The following RAB3C variants were observed in gnomAD, a reference collection of about 807,000 sequenced individuals.
RAB3C encodes ras-related protein Rab-3C.
Under a neutral mutation model 26.4 loss-of-function variants are expected in RAB3C, and 17 were observed. The observed-to-expected ratio is 0.64, with a 90% CI of 0.44 to 0.97. RAB3C has a LOEUF of 0.97. RAB3C is among the 50% of genes least tolerant of loss of function. RAB3C has a pLI of 0.00. For missense variants in RAB3C, 242 were observed against 281.9 expected (o/e 0.86, Z 1.01); for synonymous variants, 91 against 95.9 (o/e 0.95, Z 0.30).
At position 58,710,599 on chromosome 5, in the gene RAB3C, AAAATAAAT is replaced by A. The variant is rs1554048943; in HGVS notation, c.253-15365_253-15358del. ...GGGCAAAAGAGCAAGACTCTGTCTC[AAAATAAAT>A]AAATAAATAAATAAATAAATAAATA... On this transcript the variant is annotated intron_variant, in intron 2 of 4. Coordinates refer to ENST00000282878, the MANE Select transcript of RAB3C (RefSeq NM_138453.4). Among the ~76,000 whole-genome samples the A allele has an allele frequency of 2.0e-3, 275 of 135,614 alleles. 1 individual carries two copies. Among genetic ancestry groups the A allele is most frequent in the Admixed American group, 3.2e-3 (45 of 14,064 alleles). The allele number at this position is 135,614 out of a possible 152,430, so 89.0% of individuals were successfully genotyped here. A position where few individuals can be genotyped will look rare whatever the true frequency, so the allele number is the denominator to read the frequency against.
intron 3 of RAB3C, among the ~76,000 whole-genome samples, chr5:58,772,002 C>T (rs573162460): frequency 2.0e-5 from 3 of 152,122 alleles, no homozygotes; most frequent in South Asian, 4.1e-4. Context: ...AAAAGAGCAA[C>T]GTTGAAATAC....
chr5:58,762,054 GCA>G (rs1741807327), intron 3 of RAB3C, among the ~76,000 whole-genome samples: 1 of 113,664 alleles, frequency 8.8e-6, no homozygotes, highest in Admixed American at 8.5e-5. Context: ...ACTTTTAGAA[GCA>G]AAAAAAAAAA....
intron 2 of RAB3C, among the ~76,000 whole-genome samples, chr5:58,668,478 A>G (rs1748044796): frequency 6.6e-6 from 1 of 152,146 alleles, no homozygotes; most frequent in African/African-American, 2.4e-5. Flanking sequence ...TCAGTGTTCC[A>G]CAAAATCATT....
At chr5:58,590,739 T>C (rs188244942) in intron 1 of RAB3C, among the ~76,000 whole-genome samples, 24 of 152,196 alleles carry the variant, frequency 1.6e-4, no homozygotes, top group African/African-American at 5.5e-4. Context: ...GACATAGGGT[T>C]TCACCATGTT....
At chr5:58,661,107 T>C (rs1747896332) in intron 2 of RAB3C, among the ~76,000 whole-genome samples, 1 of 150,188 alleles carries the variant, frequency 6.7e-6, no homozygotes, top group Non-Finnish European at 1.5e-5. Flanking sequence ...AAGTATTAAT[T>C]GTGGGTATTT....
chr5:58,830,360 G>T (rs1452009777), intron 4 of RAB3C, among the ~76,000 whole-genome samples: 1 of 152,154 alleles, frequency 6.6e-6, no homozygotes, highest in Non-Finnish European at 1.5e-5. Context: ...AATGCAGGCA[G>T]ATCTACCATG....
chr5:58,762,945 A>T (rs1459570919), intron 3 of RAB3C, among the ~76,000 whole-genome samples: 1 of 152,236 alleles, frequency 6.6e-6, no homozygotes, highest in Non-Finnish European at 1.5e-5. Context: ...ATATGAGAGA[A>T]CTAGGTAGCT....
intron 4 of RAB3C, among the ~76,000 whole-genome samples, chr5:58,840,318 C>T (rs1329848041): frequency 6.6e-6 from 1 of 151,946 alleles, no homozygotes; most frequent in African/African-American, 2.4e-5. Flanking sequence ...AGGTTTCTGT[C>T]TTGTTCTTTT....
intron 3 of RAB3C, among the ~76,000 whole-genome samples, chr5:58,761,765 G>A (rs1741801190): frequency 2.0e-5 from 3 of 152,064 alleles, no homozygotes; most frequent in Admixed American, 2.0e-4. Context: ...TATCTTTTCT[G>A]TCTTTATATA....
chr5:58,738,292 A>T (rs1438394329), intron 3 of RAB3C, among the ~76,000 whole-genome samples: 1 of 152,180 alleles, frequency 6.6e-6, no homozygotes, highest in Non-Finnish European at 1.5e-5. Context: ...ATGTGAAAAA[A>T]AAATGTAAAG....
chr5:58,654,088 C>G (rs17280328), intron 2 of RAB3C, among the ~76,000 whole-genome samples: 17,855 of 152,104 alleles, frequency 0.12, 1,350 homozygotes, highest in Non-Finnish European at 0.16. Flanking sequence ...CCTTGCTGGC[C>G]TAATTTCTTC....
At chr5:58,621,532 G>GA (rs1372118820) in intron 2 of RAB3C, among the ~76,000 whole-genome samples, 8 of 152,184 alleles carry the variant, frequency 5.3e-5, no homozygotes, top group African/African-American at 1.4e-4. Flanking sequence ...TCCAGCTATA[G>GA]AAAAAAATCA....
At chr5:58,628,682 G>T (rs55886308) in intron 2 of RAB3C, among the ~76,000 whole-genome samples, 100,020 of 151,314 alleles carry the variant, frequency 0.66, 33,979 homozygotes, top group African/African-American at 0.82. Context: ...TTAGTCCCCG[G>T]AGCACAGGGT....
intron 3 of RAB3C, chr5:58,784,830 G>A (rs998287049): frequency 1.3e-5 from 2 of 152,196 alleles, no homozygotes; most frequent in African/African-American, 4.8e-5. Flanking sequence ...AGGTCTAAGA[G>A]CAGACCTCAG....
chr5:58,717,582 T>C (rs1242387427), intron 2 of RAB3C, among the ~76,000 whole-genome samples: 1 of 152,124 alleles, frequency 6.6e-6, no homozygotes, highest in Non-Finnish European at 1.5e-5. Flanking sequence ...AGATTCCTTC[T>C]CTTTTAAAAT....
chr5:58,662,286 G>A (rs1239165385), intron 2 of RAB3C, among the ~76,000 whole-genome samples: 1 of 150,074 alleles, frequency 6.7e-6, no homozygotes, highest in Non-Finnish European at 1.5e-5. Context: ...AAAGGAGGCG[G>A]CAGAAATAGA....
intron 2 of RAB3C, among the ~76,000 whole-genome samples, chr5:58,686,443 T>C (rs979924385): frequency 2.0e-5 from 3 of 152,090 alleles, no homozygotes; most frequent in Non-Finnish European, 4.4e-5. Flanking sequence ...AAGTTTTATT[T>C]GGTTTATTAT....
At chr5:58,601,169 T>A (rs1746444886) in intron 1 of RAB3C, among the ~76,000 whole-genome samples, 1 of 152,180 alleles carries the variant, frequency 6.6e-6, no homozygotes, top group African/African-American at 2.4e-5. Context: ...TATGTTAAAC[T>A]GTCCCTGCAT....
intron 3 of RAB3C, among the ~76,000 whole-genome samples, chr5:58,821,045 T>C (rs537731419): frequency 6.6e-6 from 1 of 152,180 alleles, no homozygotes; most frequent in South Asian, 2.1e-4. Context: ...ACACCCTGAC[T>C]TGGGTTTATA....
Sources: gnomAD v4.1 joint callset for allele counts (sites outside exome capture counted in the v4.1 genomes callset) on GRCh38, gnomAD v4.1.1 for gene constraint, MANE v1.5 for transcripts, NCBI Gene and HGNC (gene_info 2026-07-23, HGNC 2026-07-21) for gene names.